SLC26A5: variants seen among roughly 807,000 people sequenced by gnomAD.
The protein encoded by SLC26A5 is prestin.
In SLC26A5, 51 loss-of-function variants were observed where a neutral mutation model predicts 81.0. The ratio of observed to expected loss-of-function variants is 0.63; its 90% CI spans 0.50 to 0.80. The LOEUF (loss-of-function observed/expected upper bound fraction) is 0.80. SLC26A5 is among the 30% of genes least tolerant of loss of function. SLC26A5 has a pLI of 0.00. For synonymous variants in SLC26A5, 325 were observed against 332.8 expected (o/e 0.98, Z 0.25); for missense variants, 771 against 905.8 (o/e 0.85, Z 1.91).
chr7:103,441,435 G>A (rs991138658), intron 2 of SLC26A5, among the ~76,000 whole-genome samples: 3 of 152,190 alleles, frequency 2.0e-5, no homozygotes, highest in African/African-American at 7.2e-5. Context: ...AACATGATTA[G>A]GTCCCAAGAA....
chr7:103,384,982 G>A (rs1024701697), intron 14 of SLC26A5, among the ~76,000 whole-genome samples: 5 of 151,928 alleles, frequency 3.3e-5, no homozygotes, highest in African/African-American at 1.2e-4. Flanking sequence ...GCATCTCCCT[G>A]GAAATATAAT....
At chr7:103,430,840 A>T (rs1826028298) in intron 2 of SLC26A5, among the ~76,000 whole-genome samples, 2 of 152,214 alleles carry the variant, frequency 1.3e-5, no homozygotes, top group Admixed American at 1.3e-4. Context: ...TCCAATTTGC[A>T]GCCATGGGCT....
chr7:103,429,186 A>C (rs937629831), intron 2 of SLC26A5, among the ~76,000 whole-genome samples: 1 of 152,240 alleles, frequency 6.6e-6, no homozygotes, highest in African/African-American at 2.4e-5. Context: ...TCAGTAAAGT[A>C]ATGCTTTTCT....
chr7:103,431,571 C>T (rs920529485), intron 2 of SLC26A5, among the ~76,000 whole-genome samples: 1 of 152,168 alleles, frequency 6.6e-6, no homozygotes, highest in Non-Finnish European at 1.5e-5. Context: ...AGTGATCCTC[C>T]CACCTTGGCT....
intron 19 of SLC26A5, chr7:103,368,157 G>C (rs977270818): frequency 9.8e-7 from 1 of 1,023,530 alleles, no homozygotes; most frequent in Non-Finnish European, 1.4e-6. Context: ...AAAATTGTAT[G>C]CTTTTTTCCA....
intron 19 of SLC26A5, chr7:103,363,242 C>A: frequency 2.3e-6 from 2 of 879,448 alleles, no homozygotes; most frequent in Non-Finnish European, 3.6e-6. Flanking sequence ...AAAATTCTCA[C>A]TTGTGAGTTT....
intron 3 of SLC26A5, 115 bp downstream of exon 3, chr7:103,421,248 G>C (rs1014143755): frequency 5.1e-6 from 6 of 1,169,366 alleles, no homozygotes; most frequent in Admixed American, 3.9e-5. Flanking sequence ...AACCATGATG[G>C]CTCAGCATTC....
At chr7:103,389,253 C>A (rs1413334427) in intron 13 of SLC26A5, 76 bp downstream of exon 13, 1 of 1,288,868 alleles carries the variant, frequency 7.8e-7, no homozygotes, top group African/African-American at 1.5e-5. Context: ...ATTAATTTAT[C>A]TTTCTCACAT....
intron 7 of SLC26A5, among the ~76,000 whole-genome samples, chr7:103,408,261 C>G (rs550636670): frequency 6.6e-6 from 1 of 152,212 alleles, no homozygotes; most frequent in South Asian, 2.1e-4. Context: ...CAGTCTTGCT[C>G]TGTTGCCCAG....
Position 103,393,062 on chromosome 7 carries a change from G to T in SLC26A5, c.976C>A (p.Leu326Ile). The T allele has an allele frequency of 6.2e-7, 1 of 1,613,936 alleles. No homozygotes were observed. Among genetic ancestry groups the T allele is most frequent in the Non-Finnish European group, 8.5e-7 (1 of 1,179,848 alleles). Reference sequence around the variant, plus strand: ...CTGGTGTCCGGATTGGCTGGAGGTAGCAGCCTGAAAAGTCAAGCTGCCTTT... The same window carrying T: ...CTGGTGTCCGGATTGGCTGGAGGTATCAGCCTGAAAAGTCAAGCTGCCTTT... ...DVVGTLPLGL[L>I]PPANPDTSLF... is the part of the protein sequence containing the mutation. The change falls in exon 10 of 20, where the codon CTA (leucine) becomes ATA (isoleucine). Residue 326 changes from leucine to isoleucine, a missense_variant. By Grantham distance (5) the Leu-to-Ile change is conservative. Coordinates refer to ENST00000306312, the MANE Select transcript of SLC26A5 (RefSeq NM_198999.3).
chr7:103,358,091 G>A (rs1820147537), intron 19 of SLC26A5, among the ~76,000 whole-genome samples: 1 of 152,174 alleles, frequency 6.6e-6, no homozygotes, highest in Non-Finnish European at 1.5e-5. Flanking sequence ...AAAAGGGTCA[G>A]TTGGGAGGTA....
chr7:103,382,012 C>A (rs577369981), intron 14 of SLC26A5, among the ~76,000 whole-genome samples: 2 of 152,104 alleles, frequency 1.3e-5, no homozygotes, highest in Admixed American at 6.6e-5. Context: ...TCCCCTCCCC[C>A]CAACACCATA....
Position 103,355,035 on chromosome 7 carries a change from A to C in SLC26A5, c.2042-2109T>G, listed in dbSNP as rs147050518. 5.0e-4 allele frequency: 423 copies of C among 842,624 alleles called. 2 individuals carry two copies. The African/African-American group carries it at 6.7e-3, about 13-fold the overall frequency. 52.2% of individuals were successfully genotyped at this position (842,624 alleles called of 1,614,324 possible). ...GTTTAAATACAGATTTTACTCCTTC[A>C]TGATTACAGATTTAAAAAAAATCAT... On this transcript the variant is annotated intron_variant, in intron 19 of 19. Transcript: ENST00000339444.
chr7:103,389,099 T>C lies in SLC26A5; in HGVS notation c.1423A>G (p.Thr475Ala). The change falls in exon 14 of 20, where the codon ACT becomes GCT. Residue 475 changes from threonine (T) to alanine (A), a missense_variant. Physicochemically the swap from Thr to Ala is moderately conservative, Grantham distance 58 (BLOSUM62 0). Transcript: ENST00000306312. ...SKIELTIWLT[T>A]FVSSLFLGLD... ...CCCAGGAACAAGGAGGACACAAAAG[T>C]GGTAAGCCAGATGGTCTAAGCAAAA... The C allele has an allele frequency of 6.2e-7, 1 of 1,613,300 alleles. No individual in the cohort carries two copies.
intron 1 of SLC26A5, chr7:103,445,476 C>T (rs1827223243): frequency 6.6e-6 from 1 of 152,300 alleles, no homozygotes; most frequent in South Asian, 2.1e-4. Context: ...AGAAGGATTT[C>T]CCGGGAGGGG....
chr7:103,410,521 A>G lies in SLC26A5; in HGVS notation c.599T>C (p.Phe200Ser). ...AGGCTCTGTGAGATATATGGCCACA[A>G]ATCCAAACCTACAGACACCTAGGCA... ...QFCLGVCRFG[F>S]VAIYLTEPLV... The change falls in exon 7 of 20, where the codon TTT becomes TCT. Residue 200 changes from phenylalanine (F) to serine (S), a missense_variant. By Grantham distance (155) the Phe-to-Ser change is radical. Coordinates refer to ENST00000306312, the MANE Select transcript of SLC26A5 (RefSeq NM_198999.3). The G allele has an allele frequency of 6.2e-7, 1 of 1,614,108 alleles. No individual in the cohort carries two copies. The highest frequency in any genetic ancestry group is 8.5e-7 in the Non-Finnish European group (1 of 1,179,990).
At position 103,379,343 on chromosome 7, in the gene SLC26A5, G is replaced by C; in HGVS notation, c.1585-8C>G. The C allele has an allele frequency of 6.6e-7, 1 of 1,521,910 alleles. No individual in the cohort carries two copies. The highest frequency in any genetic ancestry group is 9.1e-7 in the Non-Finnish European group (1 of 1,096,988). 94.3% of individuals were successfully genotyped at this position (1,521,910 alleles called of 1,614,324 possible). A position where few individuals can be genotyped will look rare whatever the true frequency, so the allele number is the denominator to read the frequency against. On this transcript the variant is annotated splice_polypyrimidine_tract_variant and splice_region_variant and intron_variant, in intron 15 of 19. Transcript: ENST00000306312. ...TCCAGGAATTTCTTTCACCTGAAGA[G>C]TAAAATATTGCTGAATTTAACACAT...
At position 103,367,594 on chromosome 7, in the gene SLC26A5, A is replaced by G. The variant is rs776036941; in HGVS notation, c.2041+9214T>C. 3.8e-5 allele frequency: 62 copies of G among 1,614,168 alleles called. 1 individual carries two copies. In the South Asian group the frequency reaches 6.8e-4, roughly 18 times the overall value. On this transcript the variant is annotated intron_variant, in intron 19 of 19. Coordinates refer to the SLC26A5 transcript ENST00000339444. This position sits in a 1 kb window ranked among gnomAD's most constrained non-coding sequence, Gnocchi z 6.1. Reference sequence around the variant, plus strand: ...CAGGGAGATTGGATAGAAAAATTGAATTTAGCTTGCCCGATCTAGAGGTAA... The same window carrying G: ...CAGGGAGATTGGATAGAAAAATTGAGTTTAGCTTGCCCGATCTAGAGGTAA...
chr7:103,430,606 G>A lies in SLC26A5; in HGVS notation c.-53-9039C>T, dbSNP rs1430335207. On this transcript the variant is annotated intron_variant, in intron 2 of 19. Coordinates refer to ENST00000306312, the MANE Select transcript of SLC26A5 (RefSeq NM_198999.3). ...CTGCTGTTCCAGAGAGGATGGCTTT[G>A]GAGAGGATACTGGATTTGAAGTGGC... 5.6e-5 allele frequency among the ~76,000 whole-genome samples: 4 copies of A among 71,872 alleles called. No homozygotes were observed. The South Asian group carries it at 1.4e-3, about 26-fold the overall frequency. 47.2% of individuals were successfully genotyped at this position (71,872 alleles called of 152,430 possible).
Sources: gnomAD v4.1 joint callset for allele counts (sites outside exome capture counted in the v4.1 genomes callset) on GRCh38, gnomAD v4.1.1 for gene constraint, Gnocchi (gnomAD v3.1) non-coding constraint, MANE v1.5 for transcripts, NCBI Gene and HGNC (gene_info 2026-07-23, HGNC 2026-07-21) for gene names.